Variants in TRHDE observed in about 807,000 individuals in gnomAD.
The protein encoded by TRHDE is thyrotropin releasing hormone degrading enzyme.
In TRHDE, 72 loss-of-function variants were observed where a neutral mutation model predicts 125.7. The observed-to-expected ratio is 0.57, with a 90% CI of 0.47 to 0.70. The LOEUF is 0.70. Among genes scored for constraint, TRHDE ranks in the 30% least tolerant of loss-of-function variants. The pLI is 0.00. For missense variants in TRHDE, 1,110 were observed against 1,327.1 expected, an observed-to-expected ratio of 0.84 and a Z score of 2.54; for synonymous variants, 509 against 509.1, an observed-to-expected ratio of 1.00 and a Z score of 0.00.
chr12:72,336,896 T>G (rs757153462), intron 2 of TRHDE, among the ~76,000 whole-genome samples: 2 of 152,108 alleles, frequency 1.3e-5, no homozygotes, highest in Admixed American at 6.5e-5. Flanking sequence ...TGCATGAACT[T>G]TGGGGGACAC....
At chr12:72,519,644 C>A (rs531805093) in intron 6 of TRHDE, among the ~76,000 whole-genome samples, 1 of 152,218 alleles carries the variant, frequency 6.6e-6, no homozygotes, top group African/African-American at 2.4e-5. Context: ...TCTCTCAGCT[C>A]GTCAAAGTCA....
chr12:72,275,703 A>G (rs1879462487), intron 1 of TRHDE, among the ~76,000 whole-genome samples: 1 of 152,204 alleles, frequency 6.6e-6, no homozygotes, highest in South Asian at 2.1e-4. Context: ...GTTTTGGTCA[A>G]TGCTTTCAAA....
At chr12:72,115,867 G>T (rs1592446098) in intron 2 of TRHDE, among the ~76,000 whole-genome samples, 1 of 152,214 alleles carries the variant, frequency 6.6e-6, no homozygotes, top group South Asian at 2.1e-4. Flanking sequence ...TTTACTTCAA[G>T]TTCTAGGATA....
chr12:72,359,566 A>G (rs1198514826), intron 2 of TRHDE, among the ~76,000 whole-genome samples: 2 of 151,724 alleles, frequency 1.3e-5, no homozygotes, highest in Non-Finnish European at 3.0e-5. Flanking sequence ...ACAACAAACC[A>G]TAAAGTATCT....
At chr12:72,500,849 CTTTTTTTT>C (rs11314911) in intron 6 of TRHDE, among the ~76,000 whole-genome samples, 2 of 109,342 alleles carry the variant, frequency 1.8e-5, no homozygotes, top group South Asian at 3.3e-4. Flanking sequence ...CAACTTTGTT[CTTTTTTTT>C]TTTTTTTTTT....
chr12:72,327,904 A>G (rs1869414534), intron 2 of TRHDE, among the ~76,000 whole-genome samples: 1 of 152,174 alleles, frequency 6.6e-6, no homozygotes, highest in African/African-American at 2.4e-5. Flanking sequence ...CTTGTCTCAC[A>G]CACATTTCCT....
intron 2 of TRHDE, among the ~76,000 whole-genome samples, chr12:72,233,324 G>A (rs1403192504): frequency 1.3e-5 from 2 of 152,114 alleles, no homozygotes; most frequent in Admixed American, 1.3e-4. Flanking sequence ...AAGAATTGTA[G>A]GCAACTCTGC....
intron 2 of TRHDE, among the ~76,000 whole-genome samples, chr12:72,309,039 T>C (rs1868416868): frequency 6.6e-6 from 1 of 152,188 alleles, no homozygotes; most frequent in Non-Finnish European, 1.5e-5. Flanking sequence ...GATGGCACCC[T>C]TTTAAAATGA....
At chr12:72,444,140 T>G (rs1013236584) in intron 3 of TRHDE, among the ~76,000 whole-genome samples, 4 of 151,866 alleles carry the variant, frequency 2.6e-5, no homozygotes, top group Non-Finnish European at 5.9e-5. Context: ...AAAAACAAGG[T>G]GCTCCTGATT....
At chr12:72,329,013 G>C (rs1053227848) in intron 2 of TRHDE, among the ~76,000 whole-genome samples, 2 of 152,214 alleles carry the variant, frequency 1.3e-5, no homozygotes, top group Non-Finnish European at 2.9e-5. Flanking sequence ...AAATACAAAA[G>C]AGAGTCTCAA....
chr12:72,091,872 A>C (rs111574365), intron 1 of TRHDE, among the ~76,000 whole-genome samples: 16,701 of 152,164 alleles, frequency 0.11, 1,763 homozygotes, highest in African/African-American at 0.27. Flanking sequence ...CTCCTCCTTG[A>C]TCTTGCTACC....
chr12:72,322,890 A>AC (rs1244088013), intron 2 of TRHDE, among the ~76,000 whole-genome samples: 1 of 152,086 alleles, frequency 6.6e-6, no homozygotes, highest in Non-Finnish European at 1.5e-5. Context: ...CTGGCTGGGG[A>AC]CTTAGCCTAC....
chr12:72,204,120 A>T (rs1592482325), intron 2 of TRHDE, among the ~76,000 whole-genome samples: 1 of 152,290 alleles, frequency 6.6e-6, no homozygotes, highest in Admixed American at 6.5e-5. Context: ...GTTTCAGGTT[A>T]TCAAGTCTGT....
At chr12:72,347,832 T>G (rs1019641479) in intron 2 of TRHDE, among the ~76,000 whole-genome samples, 1 of 152,018 alleles carries the variant, frequency 6.6e-6, no homozygotes, top group Non-Finnish European at 1.5e-5. Context: ...TCTAACTCAA[T>G]CTTAGAATTG....
At chr12:72,227,441 G>A (rs1255878467) in intron 2 of TRHDE, among the ~76,000 whole-genome samples, 1 of 152,132 alleles carries the variant, frequency 6.6e-6, no homozygotes, top group Non-Finnish European at 1.5e-5. Flanking sequence ...GCATGGGAAA[G>A]ACTCACCCCT....
chr12:72,628,485 A>T (rs1164818146), intron 15 of TRHDE, among the ~76,000 whole-genome samples: 1 of 151,902 alleles, frequency 6.6e-6, no homozygotes, highest in African/African-American at 2.4e-5. Flanking sequence ...ATCCGTACTG[A>T]AACAAGAACA....
At chr12:72,159,553 T>A (rs1876591582) in intron 2 of TRHDE, among the ~76,000 whole-genome samples, 1 of 152,222 alleles carries the variant, frequency 6.6e-6, no homozygotes, top group African/African-American at 2.4e-5. Flanking sequence ...TGATATATAA[T>A]TATTTTTGAC....
intron 2 of TRHDE, among the ~76,000 whole-genome samples, chr12:72,299,124 A>G (rs556694424): frequency 6.6e-6 from 1 of 152,212 alleles, no homozygotes; most frequent in Non-Finnish European, 1.5e-5. Context: ...CAGGAAGATT[A>G]ACCAAGACAT....
intron 2 of TRHDE, among the ~76,000 whole-genome samples, chr12:72,293,200 T>G (rs538805458): frequency 0.016 from 2,489 of 151,080 alleles, 63 homozygotes; most frequent in African/African-American, 0.057. Flanking sequence ...GAATATTTGT[T>G]TTTTTTTTTG....
Sources: allele counts gnomAD v4.1 joint callset (sites outside exome capture counted in the v4.1 genomes callset), GRCh38; gene constraint gnomAD v4.1.1; transcripts MANE v1.5; gene names NCBI Gene and HGNC (gene_info 2026-07-23, HGNC 2026-07-21).